Variants in SYN3 observed in about 807,000 individuals in gnomAD.
The protein encoded by SYN3 is synapsin III.
SYN3 carries 35 observed loss-of-function variants against 65.8 expected under a neutral mutation model. The observed-to-expected ratio is 0.53, with a 90% CI of 0.41 to 0.70. SYN3 has a LOEUF of 0.70. SYN3 is among the 30% of genes least tolerant of loss of function. The probability of loss-of-function intolerance (pLI) is 0.00; values close to 1 mark genes in which losing one functional copy is unlikely to be tolerated. For missense variants in SYN3, 680 were observed against 749.0 expected, an observed-to-expected ratio of 0.91 and a Z score of 1.08; for synonymous variants, 270 against 292.9, an observed-to-expected ratio of 0.92 and a Z score of 0.80.
At chr22:32,954,666 T>C (rs2051393515) in intron 3 of SYN3, among the ~76,000 whole-genome samples, 1 of 152,078 alleles carries the variant, frequency 6.6e-6, no homozygotes, top group Admixed American at 6.5e-5. Context: ...TAACACTCAG[T>C]AGTACCACAG....
intron 12 of SYN3, 27 bp from the exon 13 acceptor site, chr22:32,518,361 A>G (rs774172925): frequency 4.3e-5 from 70 of 1,609,884 alleles, no homozygotes; most frequent in African/African-American, 1.1e-4. Flanking sequence ...AAAAAGGTTC[A>G]GTTCAATTTT....
At chr22:32,722,702 T>A (rs1223732077) in intron 6 of SYN3, among the ~76,000 whole-genome samples, 1 of 152,184 alleles carries the variant, frequency 6.6e-6, no homozygotes, top group Admixed American at 6.5e-5. Context: ...CCATCCACTC[T>A]GGACAGCTGA....
At chr22:32,739,930 CAT>C (rs2061383489) in intron 6 of SYN3, among the ~76,000 whole-genome samples, 1 of 152,232 alleles carries the variant, frequency 6.6e-6, no homozygotes, top group African/African-American at 2.4e-5. Context: ...ACCCCCTACA[CAT>C]GTCGGACCAC....
At chr22:32,609,120 C>G (rs2003815) in intron 6 of SYN3, among the ~76,000 whole-genome samples, 1 of 151,698 alleles carries the variant, frequency 6.6e-6, no homozygotes, top group Non-Finnish European at 1.5e-5. Context: ...GTCAGGAGAT[C>G]GAGACCATCC....
intron 6 of SYN3, among the ~76,000 whole-genome samples, chr22:32,796,072 G>A (rs954307596): frequency 2.6e-5 from 4 of 152,164 alleles, no homozygotes; most frequent in South Asian, 4.1e-4. Context: ...GGAGCTACTC[G>A]TTTTTAAAGG....
intron 4 of SYN3, among the ~76,000 whole-genome samples, chr22:32,926,175 C>T (rs1212097192): frequency 2.6e-5 from 4 of 152,098 alleles, no homozygotes; most frequent in Non-Finnish European, 4.4e-5. Context: ...TTGTTTTTAC[C>T]TGTTACAAAT....
At chr22:32,873,567 A>G (rs2048908307) in intron 4 of SYN3, among the ~76,000 whole-genome samples, 1 of 152,208 alleles carries the variant, frequency 6.6e-6, no homozygotes. Flanking sequence ...AACAGAGCCC[A>G]TGCGGAAATC....
At chr22:32,569,567 C>A (rs201273435) in intron 7 of SYN3, among the ~76,000 whole-genome samples, 17,675 of 62,556 alleles carry the variant, frequency 0.28, 1,312 homozygotes, top group Middle Eastern at 0.34. Context: ...CTCTCTCTCT[C>A]TCTCTATATA....
chr22:32,687,462 C>T (rs2060606766), intron 6 of SYN3, among the ~76,000 whole-genome samples: 1 of 152,098 alleles, frequency 6.6e-6, no homozygotes, highest in Non-Finnish European at 1.5e-5. Flanking sequence ...CACGCCCGGC[C>T]GGTCTCCCTT....
At chr22:32,680,854 T>C (rs2060513105) in intron 6 of SYN3, among the ~76,000 whole-genome samples, 1 of 152,232 alleles carries the variant, frequency 6.6e-6, no homozygotes, top group Non-Finnish European at 1.5e-5. Context: ...TCTAGGCTAT[T>C]GCTAACATCA....
At chr22:32,676,440 C>T (rs1219503639) in intron 6 of SYN3, among the ~76,000 whole-genome samples, 1 of 152,104 alleles carries the variant, frequency 6.6e-6, no homozygotes, top group East Asian at 1.9e-4. Flanking sequence ...GGACAGGGCC[C>T]TGTGCCAGTG....
intron 6 of SYN3, among the ~76,000 whole-genome samples, chr22:32,600,520 G>A (rs2146612556): frequency 6.6e-6 from 1 of 152,250 alleles, no homozygotes; most frequent in South Asian, 2.1e-4. Flanking sequence ...CTCTGACCAG[G>A]GTTCTGAAGG....
intron 3 of SYN3, among the ~76,000 whole-genome samples, chr22:32,948,620 T>C (rs1216096878): frequency 6.6e-6 from 1 of 151,802 alleles, no homozygotes; most frequent in African/African-American, 2.4e-5. Flanking sequence ...GCCTGTAGTC[T>C]CAGCTACTCG....
chr22:32,686,367 A>G (rs201561167), intron 6 of SYN3, among the ~76,000 whole-genome samples: 5 of 147,470 alleles, frequency 3.4e-5, no homozygotes, highest in Admixed American at 6.8e-5. Flanking sequence ...ACGTAGACTG[A>G]GTGTTGTACA....
chr22:32,569,102 C>G (rs1045463339), intron 7 of SYN3, among the ~76,000 whole-genome samples: 1 of 152,180 alleles, frequency 6.6e-6, no homozygotes. Flanking sequence ...TTACAAATGC[C>G]ATGATTTGGA....
chr22:32,650,789 A>C (rs1441786390), intron 6 of SYN3, among the ~76,000 whole-genome samples: 2 of 152,122 alleles, frequency 1.3e-5, no homozygotes, highest in Non-Finnish European at 2.9e-5. Flanking sequence ...TGACAATCTG[A>C]GTCTCTTATT....
intron 4 of SYN3, among the ~76,000 whole-genome samples, chr22:32,922,703 C>A (rs1264213176): frequency 6.6e-6 from 1 of 152,034 alleles, no homozygotes; most frequent in African/African-American, 2.4e-5. Context: ...CTCTGTGGTC[C>A]CAGCAGAAAA....
chr22:32,616,837 A>G (rs1370534209), intron 6 of SYN3, among the ~76,000 whole-genome samples: 2 of 152,212 alleles, frequency 1.3e-5, no homozygotes, highest in Non-Finnish European at 2.9e-5. Flanking sequence ...TATCATGGAC[A>G]GTGCATAGGG....
chr22:32,837,061 T>A lies in SYN3; in HGVS notation c.711+27854A>T, dbSNP rs968950680. The stretch of plus-strand genomic sequence containing the variant: ...TAGGCCTATCCCAGAGTCCCTCAGC[T>A]CTCCTAGCAAACAAAATCCCAATTA... On this transcript the variant is annotated intron_variant, in intron 6 of 13. Transcript: ENST00000358763. This position sits in a 1 kb window ranked among gnomAD's most constrained non-coding sequence, Gnocchi z 4.1. 1.3e-5 allele frequency among the ~76,000 whole-genome samples: 2 copies of A among 152,032 alleles called. No individual in the cohort carries two copies. The highest frequency in any genetic ancestry group is 2.9e-5 in the Non-Finnish European group (2 of 68,010).
Sources: allele counts gnomAD v4.1 joint callset (sites outside exome capture counted in the v4.1 genomes callset), GRCh38; gene constraint gnomAD v4.1.1; non-coding constraint Gnocchi (gnomAD v3.1); transcripts MANE v1.5; gene names NCBI Gene and HGNC (gene_info 2026-07-23, HGNC 2026-07-21).